The following RIMS2 variants were observed in gnomAD, a reference collection of about 807,000 sequenced individuals.
RIMS2 encodes the protein regulating synaptic membrane exocytosis 2.
Under a neutral mutation model 174.4 loss-of-function variants are expected in RIMS2, and 59 were observed. The observed-to-expected ratio is 0.34, with a 90% CI of 0.27 to 0.42. RIMS2 has a LOEUF of 0.42. Among genes scored for constraint, RIMS2 ranks in the 10% least tolerant of loss-of-function variants. RIMS2 has a pLI of 1.00. For missense variants in RIMS2, 1,620 were observed against 1,666.3 expected, an observed-to-expected ratio of 0.97 and a Z score of 0.48; for synonymous variants, 606 against 572.5, an observed-to-expected ratio of 1.06 and a Z score of -0.84.
chr8:103,748,285 T>TA (rs921111498), intron 2 of RIMS2, among the ~76,000 whole-genome samples: 39 of 149,020 alleles, frequency 2.6e-4, no homozygotes, highest in East Asian at 5.9e-4. Flanking sequence ...CTACAAAAAA[T>TA]AAAAAAAAAA....
chr8:103,593,798 TTTA>T (rs1349153809), intron 1 of RIMS2, among the ~76,000 whole-genome samples: 14 of 151,334 alleles, frequency 9.3e-5, no homozygotes, highest in Admixed American at 5.9e-4. Flanking sequence ...ATGCAATGGA[TTTA>T]TTATTAATAA....
chr8:103,612,290 G>T (rs2095396417), intron 1 of RIMS2, among the ~76,000 whole-genome samples: 1 of 152,162 alleles, frequency 6.6e-6, no homozygotes, highest in Non-Finnish European at 1.5e-5. Context: ...GGGCCCTGGT[G>T]CCTTATTTAG....
Position 103,870,349 on chromosome 8 carries a change from TCACCACCACCACCATCAC to T in RIMS2, c.699-14934_699-14917del, listed in dbSNP as rs1031751357. 8.6e-5 allele frequency among the ~76,000 whole-genome samples: 13 copies of T among 150,972 alleles called. No individual in the cohort carries two copies. The East Asian group carries it at 1.4e-3, about 16-fold the overall frequency. On this transcript the variant is annotated intron_variant, in intron 3 of 23. Transcript: ENST00000504942. ...GCTAAGTTTAGCTAAACCACTCTTA[TCACCACCACCACCATCAC>T]CACCACCACCACCAGCACCACCACC...
At chr8:104,113,513 A>C (rs1338180394) in intron 19 of RIMS2, among the ~76,000 whole-genome samples, 1 of 152,046 alleles carries the variant, frequency 6.6e-6, no homozygotes, top group Non-Finnish European at 1.5e-5. Flanking sequence ...CTTTTGATTG[A>C]GCATATATCT....
intron 19 of RIMS2, among the ~76,000 whole-genome samples, chr8:104,134,066 A>G (rs2098497258): frequency 1.3e-5 from 2 of 152,186 alleles, no homozygotes; most frequent in South Asian, 2.1e-4. Flanking sequence ...TATGATACAT[A>G]TGTATCATAT....
chr8:103,987,367 G>A (rs2094436808), intron 16 of RIMS2, among the ~76,000 whole-genome samples: 1 of 152,064 alleles, frequency 6.6e-6, no homozygotes, highest in African/African-American at 2.4e-5. Context: ...TGAGACACCA[G>A]AAAAATTGTT....
intron 19 of RIMS2, chr8:104,223,913 G>T: frequency 2.5e-6 from 2 of 794,800 alleles, no homozygotes; most frequent in Non-Finnish European, 4.0e-6. Context: ...TGCTCTCCGG[G>T]ACTGTGCCGG....
At chr8:104,219,681 T>G (rs1251748603) in intron 19 of RIMS2, among the ~76,000 whole-genome samples, 1 of 152,202 alleles carries the variant, frequency 6.6e-6, no homozygotes, top group Non-Finnish European at 1.5e-5. Flanking sequence ...CAATTTATTG[T>G]GTATATTTGT....
intron 19 of RIMS2, chr8:104,015,287 A>C (rs2095868218): frequency 2.1e-6 from 1 of 471,604 alleles, no homozygotes; most frequent in Admixed American, 4.0e-5. Context: ...TATAAGTTTA[A>C]ATCATTTAAC....
rs374447520 is a variant in RIMS2, at chr8:103,921,622, A to G, written c.2084-50A>G. 9.7e-5 allele frequency: 78 copies of G among 800,388 alleles called. No homozygotes were observed. The African/African-American group carries it at 1.2e-3, about 12-fold the overall frequency. 49.6% of individuals were successfully genotyped at this position (800,388 alleles called of 1,614,324 possible). A position where few individuals can be genotyped will look rare whatever the true frequency, so the allele number is the denominator to read the frequency against. On this transcript the variant is annotated intron_variant, in intron 9 of 23. Transcript: ENST00000504942. ...AGATATATGGCAAAACTTACTAAAT[A>G]CTTGTGAAGAGCCATTGTTATTATT...
intron 15 of RIMS2, among the ~76,000 whole-genome samples, chr8:103,971,567 C>T (rs1379870686): frequency 6.6e-6 from 1 of 151,574 alleles, no homozygotes; most frequent in Non-Finnish European, 1.5e-5. Flanking sequence ...ATCTTAGTAG[C>T]ATAGTTTTTT....
chr8:104,202,103 T>C lies in RIMS2; in HGVS notation c.3335-42813T>C, dbSNP rs77162405. Among the ~76,000 whole-genome samples, 21 of 152,252 alleles carry C rather than the reference T, an allele frequency of 1.4e-4. No homozygotes were observed. The East Asian group carries it at 2.5e-3, about 18-fold the overall frequency. On this transcript the variant is annotated intron_variant, in intron 19 of 23. Coordinates refer to ENST00000504942, the Ensembl canonical transcript of RIMS2. ...TCATTATTAAAATAAAATTTTTGCT[T>C]TTAGGAAACTTGAAGTCTTACATAT...
intron 17 of RIMS2, chr8:103,998,126 C>G: frequency 1.6e-6 from 2 of 1,272,604 alleles, no homozygotes; most frequent in Non-Finnish European, 2.2e-6. Context: ...TTAAACTATA[C>G]TTTTTTTTCA....
intron 1 of RIMS2, among the ~76,000 whole-genome samples, chr8:103,609,256 G>T (rs929890622): frequency 6.6e-6 from 1 of 152,138 alleles, no homozygotes; most frequent in Admixed American, 6.5e-5. Flanking sequence ...CTGAATATTA[G>T]AGCTTCGTTG....
chr8:104,177,997 G>C (rs1726706422), intron 19 of RIMS2, among the ~76,000 whole-genome samples: 1 of 152,166 alleles, frequency 6.6e-6, no homozygotes, highest in South Asian at 2.1e-4. Context: ...AAGCAGACAA[G>C]AAATGAGCTA....
intron 19 of RIMS2, among the ~76,000 whole-genome samples, chr8:104,096,728 C>T (rs997553798): frequency 3.3e-5 from 5 of 151,786 alleles, no homozygotes; most frequent in Non-Finnish European, 2.9e-5. Context: ...ATTAGCTGGG[C>T]GTGGTGGTGT....
At chr8:103,662,616 C>T (rs2096615609) in intron 1 of RIMS2, among the ~76,000 whole-genome samples, 1 of 152,004 alleles carries the variant, frequency 6.6e-6, no homozygotes, top group Non-Finnish European at 1.5e-5. Flanking sequence ...TACTTTTCTT[C>T]AAGAAGCAAA....
Position 103,921,831 on chromosome 8 carries a change from G to A in RIMS2, c.2196+47G>A, listed in dbSNP as rs755137289. The A allele has an allele frequency of 6.8e-6, 5 of 738,996 alleles. No homozygotes were observed. In the African/African-American group the frequency reaches 7.1e-5, roughly 11 times the overall value. 45.8% of individuals were successfully genotyped at this position (738,996 alleles called of 1,614,324 possible). ...TCTTCTTTTTGGAATATCAAATAGT[G>A]TTTTTAAAATATGATGCTTGTTTTT... is the stretch of plus-strand genomic sequence containing the variant. On this transcript the variant is annotated intron_variant, in intron 10 of 23. Transcript: ENST00000504942.
At chr8:104,148,702 A>G (rs1432469748) in intron 19 of RIMS2, 1 of 1,598,210 alleles carries the variant, frequency 6.3e-7, no homozygotes, top group Non-Finnish European at 8.5e-7. Flanking sequence ...TGCTCACTGG[A>G]GAAGAATGAT....
Sources: gnomAD v4.1 joint callset for allele counts (sites outside exome capture counted in the v4.1 genomes callset) on GRCh38, gnomAD v4.1.1 for gene constraint, MANE v1.5 for transcripts, NCBI Gene and HGNC (gene_info 2026-07-23, HGNC 2026-07-21) for gene names.